ADAM12: variants seen among roughly 807,000 people sequenced by gnomAD.
ADAM12 encodes ADAM metallopeptidase domain 12.
Under a neutral mutation model 106.4 loss-of-function variants are expected in ADAM12, and 70 were observed. The observed-to-expected ratio is 0.66, with a 90% CI of 0.54 to 0.80. The LOEUF is 0.80. Ranked by LOEUF, ADAM12 falls within the 30% of genes least tolerant of loss-of-function variation. ADAM12 has a pLI of 0.00. For synonymous variants in ADAM12, 420 were observed against 433.5 expected (o/e 0.97, Z 0.39); for missense variants, 1,010 against 1,171.9 (o/e 0.86, Z 2.02).
chr10:126,164,460 A>G (rs959156007), intron 3 of ADAM12, among the ~76,000 whole-genome samples: 1 of 152,208 alleles, frequency 6.6e-6, no homozygotes, highest in Non-Finnish European at 1.5e-5. Flanking sequence ...AAATTACAAA[A>G]TCATTCATAT....
chr10:126,132,615 C>T (rs1956328527), intron 5 of ADAM12, among the ~76,000 whole-genome samples: 1 of 151,164 alleles, frequency 6.6e-6, no homozygotes, highest in Non-Finnish European at 1.5e-5. Flanking sequence ...GCTTGGCTTT[C>T]CTAGAGGTCA....
chr10:126,350,131 G>T (rs1303522296), intron 1 of ADAM12, among the ~76,000 whole-genome samples: 1 of 152,096 alleles, frequency 6.6e-6, no homozygotes, highest in Non-Finnish European at 1.5e-5. Context: ...CTGTCCCCAA[G>T]AAGAAACTGG....
intron 11 of ADAM12, among the ~76,000 whole-genome samples, chr10:126,092,129 CA>C (rs1955476900): frequency 6.6e-6 from 1 of 152,156 alleles, no homozygotes; most frequent in South Asian, 2.1e-4. Context: ...ATTGGTTTAT[CA>C]ATAATTAAAA....
chr10:126,200,696 G>A (rs1454359177), intron 3 of ADAM12, among the ~76,000 whole-genome samples: 1 of 152,214 alleles, frequency 6.6e-6, no homozygotes, highest in Non-Finnish European at 1.5e-5. Flanking sequence ...AGCAACATCA[G>A]CAGCAACAAA....
chr10:126,118,165 T>C lies in ADAM12; in HGVS notation c.476A>G (p.Asn159Ser). 1 of 1,614,176 alleles carries C rather than the reference T, an allele frequency of 6.2e-7. No homozygotes were observed. Reference protein sequence around the residue: ...YVLEPMKSATNRYKLFPAKKL... With the variant: ...YVLEPMKSATSRYKLFPAKKL... ...CTTCGCTGGGAAGAGTTTGTATCTG[T>C]TGGTTGCACTTTTCATTGGTTCTAA... The change falls in exon 6 of 23, where the codon AAC becomes AGC. Residue 159 changes from asparagine (N) to serine (S), a missense_variant. Asn to Ser is a conservative substitution (Grantham distance 46). This residue lies in a region of ADAM12 where 391 missense variants were observed against 442.9 expected (regional missense o/e 0.88). Coordinates refer to ENST00000448723, the MANE Select transcript of ADAM12 (RefSeq NM_001288973.2).
intron 3 of ADAM12, among the ~76,000 whole-genome samples, chr10:126,234,156 C>T (rs564802154): frequency 1.4e-4 from 22 of 152,088 alleles, no homozygotes; most frequent in African/African-American, 4.1e-4. Context: ...GGGAGGAGTT[C>T]GAGCATGTCA....
intron 11 of ADAM12, among the ~76,000 whole-genome samples, chr10:126,073,217 T>C (rs1955033351): frequency 6.6e-6 from 1 of 152,096 alleles, no homozygotes; most frequent in Admixed American, 6.5e-5. Context: ...GCCTCTCAAG[T>C]AGCTGGGATT....
chr10:126,286,097 G>A lies in ADAM12; in HGVS notation c.187-7109C>T, dbSNP rs571496355. ...ACCCATAATGAACACAAAATACCTC[G>A]AGTCCATAAATGTAGCTTTGCATGG... On this transcript the variant is annotated intron_variant, in intron 2 of 22. Transcript: ENST00000448723. Among the ~76,000 whole-genome samples, 46 of 151,464 alleles carry A rather than the reference G, an allele frequency of 3.0e-4. 1 individual carries two copies. The South Asian group carries it at 9.4e-3, about 31-fold the overall frequency.
Position 126,094,035 on chromosome 10 carries a change from G to C in ADAM12, c.1095C>G (p.Ser365Arg). The C allele has an allele frequency of 6.2e-7, 1 of 1,614,188 alleles. No individual in the cohort carries two copies. The highest frequency in any genetic ancestry group is 8.5e-7 in the Non-Finnish European group (1 of 1,180,034). Residue 365 changes from serine (S) to arginine (R), a missense_variant, in exon 11 of 23, where the codon AGC becomes AGG. By Grantham distance (110) the Ser-to-Arg change is moderately radical. Coordinates refer to ENST00000448723, the MANE Select transcript of ADAM12 (RefSeq NM_001288973.2). The part of the protein sequence containing the change: ...MNHDTLDRGC[S>R]CQMAVEKGGC... ...CTCCTTTCTCAACCGCCATTTGACA[G>C]CTACAGCCCCTGTCCAGTGTGTCAT...
intron 14 of ADAM12, among the ~76,000 whole-genome samples, chr10:126,051,495 ATCCACCCG>A (rs1159378508): frequency 7.3e-4 from 76 of 103,842 alleles, no homozygotes; most frequent in African/African-American, 2.1e-3. Context: ...CCACCCGTCC[ATCCACCCG>A]TCCATCCATC....
chr10:126,215,168 T>C (rs554160858), intron 3 of ADAM12, among the ~76,000 whole-genome samples: 11 of 152,206 alleles, frequency 7.2e-5, no homozygotes, highest in Non-Finnish European at 1.5e-4. Flanking sequence ...GGTTCTGGTC[T>C]ACCTGGGTCC....
chr10:126,270,852 G>A (rs2133735168), intron 3 of ADAM12, among the ~76,000 whole-genome samples: 1 of 152,284 alleles, frequency 6.6e-6, no homozygotes, highest in South Asian at 2.1e-4. Context: ...AGAGGCCAGA[G>A]GCTCACCCAC....
intron 3 of ADAM12, 68 bp from the exon 4 acceptor site, chr10:126,155,373 C>A: frequency 7.1e-7 from 1 of 1,401,510 alleles, no homozygotes; most frequent in Non-Finnish European, 1.0e-6. Context: ...TTGTGAATGT[C>A]TAGGCTATAG....
chr10:126,132,501 T>C (rs1392033000), intron 5 of ADAM12, among the ~76,000 whole-genome samples: 1 of 147,064 alleles, frequency 6.8e-6, no homozygotes, highest in African/African-American at 2.6e-5. Context: ...TGCAAGGAAT[T>C]ATCCCAGGAG....
At chr10:126,068,075 C>T (rs887393960) in intron 12 of ADAM12, among the ~76,000 whole-genome samples, 2 of 152,088 alleles carry the variant, frequency 1.3e-5, no homozygotes, top group Non-Finnish European at 2.9e-5. Context: ...TTATAAACAT[C>T]CAGAATGCGT....
intron 3 of ADAM12, among the ~76,000 whole-genome samples, chr10:126,158,855 G>A (rs1956878860): frequency 2.0e-5 from 3 of 146,976 alleles, no homozygotes; most frequent in Admixed American, 6.7e-5. Context: ...AGAGCACGGT[G>A]GGGAGGGTGC....
At chr10:126,118,878 C>T (rs977544348) in intron 5 of ADAM12, among the ~76,000 whole-genome samples, 9 of 152,134 alleles carry the variant, frequency 5.9e-5, no homozygotes, top group Non-Finnish European at 1.2e-4. Flanking sequence ...TTTTCAATTC[C>T]TGAGTTATTT....
rs534391310 is a variant in ADAM12, at chr10:126,284,162, G to A, written c.187-5174C>T. 2.7e-4 allele frequency among the ~76,000 whole-genome samples: 41 copies of A among 151,788 alleles called. 1 individual carries two copies. In the South Asian group the frequency reaches 7.7e-3, roughly 29 times the overall value. Reference sequence around the variant, plus strand: ...AGCCTGGCCAATATGGTGAAACCCCGTCTCTACTAAAAATACAAAAATTAG... The same window carrying A: ...AGCCTGGCCAATATGGTGAAACCCCATCTCTACTAAAAATACAAAAATTAG... On this transcript the variant is annotated intron_variant, in intron 2 of 22. Coordinates refer to ENST00000448723, the MANE Select transcript of ADAM12 (RefSeq NM_001288973.2).
chr10:126,046,797 G>A (rs1160213327), intron 16 of ADAM12, among the ~76,000 whole-genome samples: 2 of 92,198 alleles, frequency 2.2e-5, no homozygotes, highest in Admixed American at 1.7e-4. Flanking sequence ...GAGAGATTCC[G>A]TCTCAAAAAA....
Sources: gnomAD v4.1 joint callset for allele counts (sites outside exome capture counted in the v4.1 genomes callset) on GRCh38, gnomAD v4.1.1 for gene constraint, gnomAD v4.1.1 regional missense constraint, MANE v1.5 for transcripts, NCBI Gene and HGNC (gene_info 2026-07-23, HGNC 2026-07-21) for gene names.